Variants in NUFIP2 observed in about 807,000 individuals in gnomAD.
NUFIP2 encodes nuclear FMR1 interacting protein 2, also known as FMR1-interacting protein NUFIP2.
NUFIP2 carries 6 observed loss-of-function variants against 56.9 expected under a neutral mutation model. The ratio of observed to expected loss-of-function variants is 0.11; its 90% CI spans 0.06 to 0.21. The LOEUF (loss-of-function observed/expected upper bound fraction) is 0.21. Among genes scored for constraint, NUFIP2 ranks in the 10% least tolerant of loss-of-function variants. The pLI is 1.00. For synonymous variants in NUFIP2, 321 were observed against 298.2 expected (o/e 1.08, Z -0.79); for missense variants, 828 against 826.8 (o/e 1.00, Z -0.02).
Position 29,286,635 on chromosome 17 carries a change from A to C in NUFIP2, c.1359T>G (p.Val453=), listed in dbSNP as rs1402989980. 1.9e-6 allele frequency: 3 copies of C among 1,614,018 alleles called. No individual in the cohort carries two copies. The African/African-American group carries it at 4.0e-5, about 22-fold the overall frequency. Residue 453 remains valine, a synonymous_variant, in exon 2 of 4, where the codon GTT becomes GTG. Transcript: ENST00000225388. ...CTGAAGTTAGACTCATGTCCTGGAGAACTGAATCTGTCCCAGAAGAGATGG... is the reference window on the plus strand; with the variant it reads ...CTGAAGTTAGACTCATGTCCTGGAGCACTGAATCTGTCCCAGAAGAGATGG... ...LTPISSGTDS[V]LQDMSLTSAA...
At chr17:29,293,000 CCCTT>C (rs572245125) in intron 1 of NUFIP2, among the ~76,000 whole-genome samples, 218 of 151,202 alleles carry the variant, frequency 1.4e-3, no homozygotes, top group African/African-American at 5.1e-3. Flanking sequence ...GCCCTCGACA[CCCTT>C]CCCCCTCCGC....
rs2068977148 is a variant in NUFIP2, at chr17:29,257,409, C to T, written c.*7130G>A. ...CTTTTCACGGAGCTTCGGCAAAATT[C>T]GAGTGTGCAAAATGCATTTCTAAAA... On this transcript the variant is annotated 3_prime_UTR_variant, in exon 4 of 4. Transcript: ENST00000225388. 6.6e-6 allele frequency: 1 copy of T among 152,092 alleles called. No individual in the cohort carries two copies. Among genetic ancestry groups the T allele is most frequent in the Non-Finnish European group, 1.5e-5 (1 of 68,004 alleles). 9.4% of individuals were successfully genotyped at this position (152,092 alleles called of 1,614,324 possible).
intron 2 of NUFIP2, among the ~76,000 whole-genome samples, chr17:29,281,792 C>T (rs948783227): frequency 2.0e-5 from 3 of 149,060 alleles, no homozygotes; most frequent in African/African-American, 7.4e-5. Context: ...TTAGAAGGAG[C>T]CTTGCTCTGT....
In NUFIP2 at chr17:29,294,040, T is replaced by G; in HGVS notation, c.20A>C (p.Gln7Pro). MEEKPG[Q>P]PQPQHHHSHH... The stretch of plus-strand genomic sequence containing the variant: ...GCTGTGATGGTGCTGAGGCTGTGGC[T>G]GGCCGGGCTTCTCCTCCATTGAAAG... Residue 7 changes from glutamine (Q) to proline (P), a missense_variant, in exon 1 of 4, where the codon CAG becomes CCG. Around this residue, in one of 3 missense-constraint regions of NUFIP2, gnomAD observed 415 missense variants for 408.7 expected, o/e 1.02. Transcript: ENST00000225388. 6.2e-7 allele frequency: 1 copy of G among 1,603,906 alleles called. No individual in the cohort carries two copies. The highest frequency in any genetic ancestry group is 1.1e-5 in the South Asian group (1 of 90,078).
intron 2 of NUFIP2, among the ~76,000 whole-genome samples, chr17:29,282,811 T>C (rs930833295): frequency 2.0e-5 from 3 of 152,124 alleles, no homozygotes; most frequent in Non-Finnish European, 2.9e-5. Flanking sequence ...ATACAGATGT[T>C]CTTAAAGGAT....
At chr17:29,266,370 CA>C (rs1354581813) in intron 3 of NUFIP2, among the ~76,000 whole-genome samples, 1 of 152,022 alleles carries the variant, frequency 6.6e-6, no homozygotes. Context: ...GGGGAAGCTA[CA>C]TTCTAGTCCT....
intron 1 of NUFIP2, 72 bp from the exon 2 acceptor site, chr17:29,287,788 A>G (rs2069187436): frequency 1.5e-6 from 2 of 1,362,742 alleles, no homozygotes; most frequent in African/African-American, 2.9e-5. Flanking sequence ...CTAACATTTA[A>G]GAACTATTTA....
At chr17:29,293,290 TG>T (rs1056055432) in intron 1 of NUFIP2, among the ~76,000 whole-genome samples, 2 of 147,442 alleles carry the variant, frequency 1.4e-5, no homozygotes, top group African/African-American at 5.1e-5. Flanking sequence ...GGGTGGCGGG[TG>T]AGGGGCACTT....
Position 29,286,310 on chromosome 17 carries a change from G to T in NUFIP2, c.1684C>A (p.Pro562Thr), listed in dbSNP as rs1567681229. 1 of 1,614,050 alleles carries T rather than the reference G, an allele frequency of 6.2e-7. No homozygotes were observed. The highest frequency in any genetic ancestry group is 1.3e-5 in the African/African-American group (1 of 74,914). The change falls in exon 2 of 4, where the codon CCC becomes ACC. Residue 562 changes from proline (P) to threonine (T), a missense_variant. Transcript: ENST00000225388. ...IPSGTEHPVF[P>T]KAYELEKRTS... ...CGTTTCTCCAGCTCGTAAGCCTTGGGAAACACAGGATGCTCAGTTCCTGAG... is the reference window on the plus strand; with the variant it reads ...CGTTTCTCCAGCTCGTAAGCCTTGGTAAACACAGGATGCTCAGTTCCTGAG...
In NUFIP2 at chr17:29,294,027, C is replaced by T. The variant is rs1436135859; in HGVS notation, c.33G>A (p.Gln11=). The stretch of plus-strand genomic sequence containing the variant: ...GCGGATGGTGGTGGCTGTGATGGTG[C>T]TGAGGCTGTGGCTGGCCGGGCTTCT... The part of the protein sequence containing the change: MEEKPGQPQP[Q]HHHSHHHPHH... The change falls in exon 1 of 4, where the codon CAG becomes CAA. Residue 11 remains glutamine (Q), a synonymous_variant. Transcript: ENST00000225388. 1.2e-6 allele frequency: 2 copies of T among 1,609,150 alleles called. No homozygotes were observed. The highest frequency in any genetic ancestry group is 1.7e-6 in the Non-Finnish European group (2 of 1,176,850).
At position 29,287,416 on chromosome 17, in the gene NUFIP2, T is replaced by C. The variant is rs762068603; in HGVS notation, c.578A>G (p.Asn193Ser). Reference protein sequence around the residue: ...TIPIPNGVVTNNSGYITNGYM... With the variant: ...TIPIPNGVVTSNSGYITNGYM... Reference sequence around the variant, plus strand: ...ACCATTAGTAATATAACCAGAATTATTTGTTACCACACCATTTGGAATTGG... The same window carrying C: ...ACCATTAGTAATATAACCAGAATTACTTGTTACCACACCATTTGGAATTGG... The change falls in exon 2 of 4, where the codon AAT becomes AGT. Residue 193 changes from asparagine to serine, a missense_variant. Physicochemically the swap from Asn to Ser is conservative, Grantham distance 46. Coordinates refer to ENST00000225388, the MANE Select transcript of NUFIP2 (RefSeq NM_020772.3). 1 of 1,614,008 alleles carries C rather than the reference T, an allele frequency of 6.2e-7. No individual in the cohort carries two copies.
intron 2 of NUFIP2, among the ~76,000 whole-genome samples, chr17:29,272,734 A>G (rs1486987962): frequency 6.6e-6 from 1 of 152,080 alleles, no homozygotes; most frequent in African/African-American, 2.4e-5. Flanking sequence ...TTGGAAAAGG[A>G]GCATTTCCTT....
rs1182137760 is a variant in NUFIP2 at position 29,260,988 on chromosome 17, C to T, written c.*3551G>A. 6.6e-6 allele frequency: 1 copy of T among 152,092 alleles called. No homozygotes were observed. The highest frequency in any genetic ancestry group is 1.9e-4 in the East Asian group (1 of 5,200). 9.4% of individuals were successfully genotyped at this position (152,092 alleles called of 1,614,324 possible). ...TGTAAATACACTTTATGTGAAGGTTCATTACTAAGGAGGTTAGAAGAAAGG... is the reference window on the plus strand; with the variant it reads ...TGTAAATACACTTTATGTGAAGGTTTATTACTAAGGAGGTTAGAAGAAAGG... On this transcript the variant is annotated 3_prime_UTR_variant, in exon 4 of 4. Transcript: ENST00000225388.
At position 29,287,042 on chromosome 17, in the gene NUFIP2, G is replaced by T. The variant is rs773857630; in HGVS notation, c.952C>A (p.Arg318=). 9 of 1,614,114 alleles carry T rather than the reference G, an allele frequency of 5.6e-6. No homozygotes were observed. Among genetic ancestry groups the T allele is most frequent in the Middle Eastern group, 1.7e-4 (1 of 6,060 alleles). ...PGVSSKKFDD[R]PKGKHASAVA... ...GCTGAAGCATGCTTTCCTTTGGGCC[G>T]ATCATCAAACTTTTTGCTGCTCACA... is the stretch of plus-strand genomic sequence containing the variant. Residue 318 remains arginine (R), a synonymous_variant, in exon 2 of 4, where the codon CGG becomes AGG. Coordinates refer to ENST00000225388, the MANE Select transcript of NUFIP2 (RefSeq NM_020772.3).
chr17:29,284,095 T>C (rs1024813091), intron 2 of NUFIP2, among the ~76,000 whole-genome samples: 3 of 152,212 alleles, frequency 2.0e-5, no homozygotes, highest in African/African-American at 7.2e-5. Flanking sequence ...AGAGAGAATA[T>C]GGTAATTACC....
chr17:29,293,725 C>CCCG, intron 1 of NUFIP2, 58 bp downstream of exon 1: 1 of 1,299,360 alleles, frequency 7.7e-7, no homozygotes, highest in Non-Finnish European at 1.1e-6. Context: ...AGCCCCACCC[C>CCCG]CATCTCTCCT....
chr17:29,272,175 T>A (rs1285497412), intron 2 of NUFIP2, among the ~76,000 whole-genome samples: 1 of 150,916 alleles, frequency 6.6e-6, no homozygotes, highest in African/African-American at 2.4e-5. Context: ...AGGGCTGACA[T>A]TACCTTCTGT....
chr17:29,276,268 T>C (rs561730329), intron 2 of NUFIP2, among the ~76,000 whole-genome samples: 7 of 152,094 alleles, frequency 4.6e-5, no homozygotes, highest in Non-Finnish European at 1.0e-4. Flanking sequence ...AACACTATTA[T>C]TTCCTCCACC....
chr17:29,283,094 A>T (rs1053068350), intron 2 of NUFIP2, among the ~76,000 whole-genome samples: 2 of 152,188 alleles, frequency 1.3e-5, no homozygotes, highest in Non-Finnish European at 2.9e-5. Flanking sequence ...ACTCAAGATG[A>T]CACTTTACCT....
Sources: allele counts gnomAD v4.1 joint callset (sites outside exome capture counted in the v4.1 genomes callset), GRCh38; gene constraint gnomAD v4.1.1; regional missense constraint gnomAD v4.1.1; transcripts MANE v1.5; gene names NCBI Gene and HGNC (gene_info 2026-07-23, HGNC 2026-07-21).